Variants in NUBPL observed in about 807,000 individuals in gnomAD.
NUBPL encodes the protein iron-sulfur cluster transfer protein NUBPL.
Under a neutral mutation model 45.7 loss-of-function variants are expected in NUBPL, and 31 were observed. The observed-to-expected ratio is 0.68, with a 90% CI of 0.51 to 0.92. The LOEUF (loss-of-function observed/expected upper bound fraction) is 0.92, where lower values mean the gene tolerates loss of function less well. Ranked by LOEUF, NUBPL falls within the 40% of genes least tolerant of loss-of-function variation. The pLI is 0.00. For missense variants in NUBPL, 401 were observed against 398.7 expected (o/e 1.01, Z -0.05); for synonymous variants, 144 against 140.9 (o/e 1.02, Z -0.15).
intron 6 of NUBPL, among the ~76,000 whole-genome samples, chr14:31,702,637 A>T (rs377588023): frequency 6.6e-6 from 1 of 152,356 alleles, no homozygotes; most frequent in South Asian, 2.1e-4. Flanking sequence ...ACTTTCTAGT[A>T]ATTAAAACTC....
At chr14:31,645,200 G>A (rs1235498074) in intron 4 of NUBPL, among the ~76,000 whole-genome samples, 1 of 151,874 alleles carries the variant, frequency 6.6e-6, no homozygotes, top group Non-Finnish European at 1.5e-5. Flanking sequence ...CGAGTAACTG[G>A]GACTACAGGC....
intron 2 of NUBPL, among the ~76,000 whole-genome samples, chr14:31,564,219 G>C (rs1225149676): frequency 1.3e-5 from 2 of 152,118 alleles, no homozygotes; most frequent in African/African-American, 2.4e-5. Context: ...CTGGCTTTGG[G>C]ACTACTGCTT....
intron 3 of NUBPL, among the ~76,000 whole-genome samples, chr14:31,570,093 T>G (rs2033542149): frequency 6.6e-6 from 1 of 152,162 alleles, no homozygotes; most frequent in Non-Finnish European, 1.5e-5. Context: ...TAACACTCAT[T>G]GCCAGACACC....
At chr14:31,703,591 G>A (rs1054635714) in intron 6 of NUBPL, among the ~76,000 whole-genome samples, 1 of 151,994 alleles carries the variant, frequency 6.6e-6, no homozygotes, top group African/African-American at 2.4e-5. Context: ...CAGAGAGCTT[G>A]TGCAGGGAAA....
chr14:31,627,038 A>G (rs938210604), intron 4 of NUBPL, among the ~76,000 whole-genome samples: 1 of 152,192 alleles, frequency 6.6e-6, no homozygotes, highest in Admixed American at 6.5e-5. Flanking sequence ...AGCTATTGGT[A>G]GTTGTTACCT....
chr14:31,741,918 T>TA (rs1420547275), intron 6 of NUBPL, among the ~76,000 whole-genome samples: 1 of 152,090 alleles, frequency 6.6e-6, no homozygotes, highest in Non-Finnish European at 1.5e-5. Context: ...TTGCAACTTA[T>TA]AAGCTCCTTC....
Position 31,748,770 on chromosome 14 carries a change from A to G in NUBPL, c.514-39010A>G, listed in dbSNP as rs533280038. On this transcript the variant is annotated intron_variant, in intron 6 of 10. Transcript: ENST00000281081. ...TGGGATTACAGGTGTGCACCACCAC[A>G]CCTGGCTAATTTTTGTATTTTTAGT... 2.0e-5 allele frequency among the ~76,000 whole-genome samples: 3 copies of G among 151,768 alleles called. No individual in the cohort carries two copies. In the South Asian group the frequency reaches 6.3e-4, roughly 32 times the overall value.
intron 6 of NUBPL, among the ~76,000 whole-genome samples, chr14:31,701,777 C>T (rs1036358083): frequency 6.6e-6 from 1 of 152,204 alleles, no homozygotes; most frequent in African/African-American, 2.4e-5. Context: ...AACTTTAACA[C>T]TCACTGCGAG....
At chr14:31,804,955 G>A (rs36020968) in intron 7 of NUBPL, among the ~76,000 whole-genome samples, 54,728 of 152,046 alleles carry the variant, frequency 0.36, 12,011 homozygotes, top group East Asian at 0.6. Flanking sequence ...AAAATTAAGA[G>A]CTTCTGTCCA....
At chr14:31,754,763 A>T (rs2038617617) in intron 6 of NUBPL, among the ~76,000 whole-genome samples, 1 of 151,036 alleles carries the variant, frequency 6.6e-6, no homozygotes, top group Non-Finnish European at 1.5e-5. Context: ...TTAGTTACAT[A>T]TGTATACATG....
intron 6 of NUBPL, among the ~76,000 whole-genome samples, chr14:31,709,534 C>A (rs1228080273): frequency 6.8e-6 from 1 of 147,028 alleles, no homozygotes; most frequent in Non-Finnish European, 1.5e-5. Context: ...TATCTCCAAA[C>A]TCTTGGGCTG....
At chr14:31,653,030 A>C (rs2036050032) in intron 4 of NUBPL, among the ~76,000 whole-genome samples, 1 of 152,176 alleles carries the variant, frequency 6.6e-6, no homozygotes, top group Admixed American at 6.5e-5. Flanking sequence ...AGGACTTCAA[A>C]AGGGAAGGGG....
chr14:31,793,757 T>C (rs1235837624), intron 7 of NUBPL, among the ~76,000 whole-genome samples: 1 of 152,102 alleles, frequency 6.6e-6, no homozygotes, highest in South Asian at 2.1e-4. Context: ...TAATATTAAC[T>C]GAGTCAATGA....
intron 8 of NUBPL, among the ~76,000 whole-genome samples, chr14:31,837,708 A>T (rs2040304189): frequency 1.3e-5 from 2 of 152,238 alleles, no homozygotes; most frequent in African/African-American, 4.8e-5. Flanking sequence ...GGAAGAAGAC[A>T]TATAATCAAT....
Position 31,781,042 on chromosome 14 carries a change from A to C in NUBPL, c.514-6738A>C, listed in dbSNP as rs145047365. ...CCCTTTGAGGCTCTCCAGGGGGCCC[A>C]CCTGTAAAATGTCAAAGTTAATTTT... On this transcript the variant is annotated intron_variant, in intron 6 of 10. Transcript: ENST00000281081. Among the ~76,000 whole-genome samples, 1,045 of 152,298 alleles carry C rather than the reference A, an allele frequency of 6.9e-3. 13 individuals carry two copies. Among genetic ancestry groups the C allele is most frequent in the African/African-American group, 0.024 (982 of 41,556 alleles).
chr14:31,665,176 C>T (rs1254258472), intron 4 of NUBPL, among the ~76,000 whole-genome samples: 1 of 152,148 alleles, frequency 6.6e-6, no homozygotes, highest in African/African-American at 2.4e-5. Context: ...AAAAAACCAG[C>T]TCCTGGATTC....
intron 6 of NUBPL, among the ~76,000 whole-genome samples, chr14:31,680,778 A>G (rs1220058560): frequency 1.3e-5 from 2 of 152,092 alleles, no homozygotes; most frequent in African/African-American, 2.4e-5. Flanking sequence ...AATAGTTATT[A>G]TACTGAATTG....
intron 6 of NUBPL, among the ~76,000 whole-genome samples, chr14:31,752,304 G>C (rs1171599987): frequency 1.3e-5 from 2 of 152,134 alleles, no homozygotes; most frequent in African/African-American, 4.8e-5. Context: ...TCCAATTTCA[G>C]ATCATCTCTT....
rs1334386611 is a variant in NUBPL, at chr14:31,808,386, T to C, written c.608-18243T>C. Among the ~76,000 whole-genome samples, 7 of 152,340 alleles carry C rather than the reference T, an allele frequency of 4.6e-5. No homozygotes were observed. The East Asian group carries it at 1.3e-3, about 29-fold the overall frequency. On this transcript the variant is annotated intron_variant, in intron 7 of 10. Coordinates refer to ENST00000281081, the MANE Select transcript of NUBPL (RefSeq NM_025152.3). ...AGATATTTTATTCTCTTTGTAGCAA[T>C]TGTGAATGGGATTCACTCACGATTT...
Sources: allele counts gnomAD v4.1 joint callset (sites outside exome capture counted in the v4.1 genomes callset), GRCh38; gene constraint gnomAD v4.1.1; transcripts MANE v1.5; gene names NCBI Gene and HGNC (gene_info 2026-07-23, HGNC 2026-07-21).